The following XKR5 variants were observed in gnomAD, a reference collection of about 807,000 sequenced individuals.
The protein encoded by XKR5 is XK related 5.
A neutral mutation model predicts 40.8 loss-of-function variants in XKR5; 46 were observed. The observed-to-expected ratio is 1.13, with a 90% confidence interval of 0.89 to 1.44. XKR5 has a LOEUF of 1.44. Among genes scored for constraint, XKR5 ranks in the 40% most tolerant of loss-of-function variants. The pLI is 0.00. For missense variants in XKR5, 1,169 were observed against 844.7 expected, an observed-to-expected ratio of 1.38 and a Z score of -4.76; for synonymous variants, 466 against 356.1, an observed-to-expected ratio of 1.31 and a Z score of -3.48.
intron 2 of XKR5, among the ~76,000 whole-genome samples, chr8:6,826,437 T>A (rs1187220489): frequency 6.6e-6 from 1 of 151,064 alleles, no homozygotes; most frequent in Non-Finnish European, 1.5e-5. Context: ...GTGAAGGGAG[T>A]CCTAGGAATG....
intron 2 of XKR5, among the ~76,000 whole-genome samples, chr8:6,832,025 AAAAAAAAAAAC>A (rs1286866658): frequency 6.8e-6 from 1 of 146,276 alleles, no homozygotes; most frequent in Non-Finnish European, 1.5e-5. Context: ...AAAAAAAAAA[AAAAAAAAAAAC>A]AAACCTAACA....
At chr8:6,819,590 G>A (rs961780026) in intron 5 of XKR5, among the ~76,000 whole-genome samples, 1 of 152,222 alleles carries the variant, frequency 6.6e-6, no homozygotes, top group East Asian at 1.9e-4. Context: ...GCCTGGCACA[G>A]GGAGGGGCCC....
At chr8:6,822,917 T>C (rs533097930) in intron 4 of XKR5, among the ~76,000 whole-genome samples, 1 of 152,384 alleles carries the variant, frequency 6.6e-6, no homozygotes, top group African/African-American at 2.4e-5. Context: ...ATGTGCAGTA[T>C]GACATATAGA....
chr8:6,834,136 C>T (rs73661490), intron 1 of XKR5, among the ~76,000 whole-genome samples: 1 of 152,144 alleles, frequency 6.6e-6, no homozygotes, highest in Admixed American at 6.5e-5. Context: ...ACGGCCTCCT[C>T]AGGGTTGTCT....
intron 2 of XKR5, among the ~76,000 whole-genome samples, chr8:6,825,852 G>A (rs1412059516): frequency 6.6e-6 from 1 of 152,220 alleles, no homozygotes; most frequent in East Asian, 1.9e-4. Context: ...CACATGAAGA[G>A]CAGACAGGGA....
chr8:6,813,744 C>T (rs1803840251), intron 6 of XKR5, among the ~76,000 whole-genome samples: 1 of 152,136 alleles, frequency 6.6e-6, no homozygotes, highest in Non-Finnish European at 1.5e-5. Context: ...CTGCCCGTGG[C>T]TATGGACTCC....
intron 2 of XKR5, among the ~76,000 whole-genome samples, chr8:6,828,151 T>C (rs868041879): frequency 1.3e-5 from 2 of 152,100 alleles, no homozygotes; most frequent in South Asian, 2.1e-4. Flanking sequence ...AACATACAAA[T>C]GCGAAAAGCT....
At position 6,832,850 on chromosome 8, in the gene XKR5, A is replaced by C; in HGVS notation, c.109T>G (p.Trp37Gly). The change falls in exon 2 of 7, where the codon TGG becomes GGG. Residue 37 changes from tryptophan (W) to glycine (G), a missense_variant. Physicochemically the swap from Trp to Gly is radical, Grantham distance 184. Coordinates refer to ENST00000618742, the MANE Select transcript of XKR5 (RefSeq NM_207411.5). Reference protein sequence around the residue: ...YFTTGRLLWGWLALAVLLPGF... With the variant: ...YFTTGRLLWGGLALAVLLPGF... ...GGCAGGAGGACAGCAAGGGCCAGCC[A>C]CCCCCACAGAAGCCGTCCTGTGGTG... 1 of 1,610,300 alleles carries C rather than the reference A, an allele frequency of 6.2e-7. No individual in the cohort carries two copies. The highest frequency in any genetic ancestry group is 8.5e-7 in the Non-Finnish European group (1 of 1,178,568).
At chr8:6,832,578 G>A (rs1373318374) in intron 2 of XKR5, 139 bp downstream of exon 2, 12 of 1,037,474 alleles carry the variant, frequency 1.2e-5, no homozygotes, top group Non-Finnish European at 1.7e-5. Flanking sequence ...TCAGAGCAGG[G>A]GTTTGCTGTG....
chr8:6,812,467 G>T, intron 6 of XKR5, 128 bp from the exon 7 acceptor site: 1 of 937,018 alleles, frequency 1.1e-6, no homozygotes, highest in Non-Finnish European at 1.5e-6. Context: ...TAGGACTCTT[G>T]TTGGAGCCTC....
chr8:6,825,422 G>C (rs1426069045), intron 2 of XKR5, 73 bp from the exon 3 acceptor site: 3 of 1,402,914 alleles, frequency 2.1e-6, no homozygotes, highest in East Asian at 5.1e-5. Context: ...CTTTCATTTA[G>C]AGACATACTA....
At chr8:6,827,584 G>T (rs560534513) in intron 2 of XKR5, among the ~76,000 whole-genome samples, 2 of 152,162 alleles carry the variant, frequency 1.3e-5, no homozygotes, top group African/African-American at 4.8e-5. Context: ...TTCTTACTGT[G>T]TCTTGATTCC....
At chr8:6,826,387 G>C (rs559689978) in intron 2 of XKR5, among the ~76,000 whole-genome samples, 1 of 152,038 alleles carries the variant, frequency 6.6e-6, no homozygotes, top group Non-Finnish European at 1.5e-5. Context: ...AGGAACATCA[G>C]GAGGAAACAG....
intron 2 of XKR5, among the ~76,000 whole-genome samples, chr8:6,826,512 G>C (rs914711906): frequency 6.6e-6 from 1 of 152,188 alleles, no homozygotes. Flanking sequence ...CTGAACAGGG[G>C]AGATGAGGGA....
Position 6,810,932 on chromosome 8 carries a change from G to T in XKR5, c.*266C>A. 1 of 323,572 alleles carries T rather than the reference G, an allele frequency of 3.1e-6. No homozygotes were observed. Among genetic ancestry groups the T allele is most frequent in the Non-Finnish European group, 5.6e-6 (1 of 178,308 alleles). 20.0% of individuals were successfully genotyped at this position (323,572 alleles called of 1,614,324 possible). ...GGGAACCTACAGCTCATAAAAGGTAGCAGACAATTTTGACTGGAATCTCTT... is the reference window on the plus strand; with the variant it reads ...GGGAACCTACAGCTCATAAAAGGTATCAGACAATTTTGACTGGAATCTCTT... On this transcript the variant is annotated 3_prime_UTR_variant, in exon 7 of 7. Coordinates refer to ENST00000618742, the MANE Select transcript of XKR5 (RefSeq NM_207411.5).
Position 6,832,791 on chromosome 8 carries a change from C to A in XKR5, c.168G>T (p.Trp56Cys), listed in dbSNP as rs201514980. ...GFLVQALSYL[W>C]FRADGHPGHC... ...GCCCTGGATGCCCGTCTGCTCGGAA[C>A]CACAGGTAGCTCAGGGCCTGGACCA... is the stretch of plus-strand genomic sequence containing the variant. Residue 56 changes from tryptophan to cysteine, a missense_variant, in exon 2 of 7, where the codon TGG (tryptophan) becomes TGT (cysteine). Transcript: ENST00000618742. 4.3e-6 allele frequency: 7 copies of A among 1,613,078 alleles called. No homozygotes were observed. The highest frequency in any genetic ancestry group is 1.1e-5 in the South Asian group (1 of 90,822).
At chr8:6,826,594 G>A (rs1328920918) in intron 2 of XKR5, among the ~76,000 whole-genome samples, 5 of 152,164 alleles carry the variant, frequency 3.3e-5, no homozygotes, top group Admixed American at 2.6e-4. Context: ...AAATAAGCCA[G>A]GTGAGGAGTG....
intron 6 of XKR5, among the ~76,000 whole-genome samples, chr8:6,814,683 G>C (rs1199229581): frequency 6.6e-6 from 1 of 152,202 alleles, no homozygotes; most frequent in African/African-American, 2.4e-5. Context: ...AGTTTGATTT[G>C]AAAAAGAAGG....
chr8:6,821,915 C>G lies in XKR5; in HGVS notation c.761G>C (p.Ser254Thr). 6.2e-7 allele frequency: 1 copy of G among 1,613,344 alleles called. No homozygotes were observed. The highest frequency in any genetic ancestry group is 8.5e-7 in the Non-Finnish European group (1 of 1,179,612). The change falls in exon 5 of 7, where the codon AGC becomes ACC. Residue 254 changes from serine (S) to threonine (T), a missense_variant. Physicochemically the swap from Ser to Thr is moderately conservative, Grantham distance 58. Coordinates refer to ENST00000618742, the MANE Select transcript of XKR5 (RefSeq NM_207411.5). ...VGAVYILCYL[S>T]FWDSPSRNRM... ...ATTTCTAGAAGGGCTGTCCCAGAAG[C>G]TGAGGTAGCAGAGGATGTACACGGC...
Sources: gnomAD v4.1 joint callset for allele counts (sites outside exome capture counted in the v4.1 genomes callset) on GRCh38, gnomAD v4.1.1 for gene constraint, MANE v1.5 for transcripts, NCBI Gene and HGNC (gene_info 2026-07-23, HGNC 2026-07-21) for gene names.